The following OR10G3 variants were observed in gnomAD, a reference collection of about 807,000 sequenced individuals.
The protein encoded by OR10G3 is olfactory receptor 10G3.
OR10G3 carries 8 observed loss-of-function variants against 13.4 expected under a neutral mutation model. The ratio of observed to expected loss-of-function variants is 0.60; its 90% confidence interval spans 0.35 to 1.08. OR10G3 has a LOEUF of 1.08. Among genes scored for constraint, OR10G3 ranks in the 50% least tolerant of loss-of-function variants. OR10G3 has a pLI of 0.02. For missense variants in OR10G3, 393 were observed against 386.6 expected (o/e 1.02, Z -0.14); for synonymous variants, 142 against 156.1 (o/e 0.91, Z 0.67).
chr14:21,574,129 C>G (rs1253501098), intron 1 of OR10G3, among the ~76,000 whole-genome samples: 3 of 151,732 alleles, frequency 2.0e-5, no homozygotes, highest in African/African-American at 7.3e-5. Flanking sequence ...CGGTGAAACC[C>G]CGTCTCTACT....
intron 1 of OR10G3, among the ~76,000 whole-genome samples, chr14:21,571,863 G>A (rs913616868): frequency 2.0e-5 from 3 of 151,900 alleles, no homozygotes; most frequent in South Asian, 2.1e-4. Context: ...TAGTAGAGAC[G>A]GGGTTTCACC....
chr14:21,572,608 C>CAAAAAAAAAAAA (rs397852312), intron 1 of OR10G3, among the ~76,000 whole-genome samples: 139 of 110,448 alleles, frequency 1.3e-3, no homozygotes, highest in African/African-American at 1.8e-3. Context: ...AACAAACAAA[C>CAAAAAAAAAAAA]AAAAAAAAAA....
chr14:21,572,250 C>CACT lies in OR10G3; in HGVS notation c.-17-1492_-17-1490dup, dbSNP rs1190198216. On this transcript the variant is annotated intron_variant, in intron 1 of 1. Transcript: ENST00000641040. ...GAGGTGAGCTGAGATTGCACCACTT[C>CACT]ACTCCAGCCTGGGCAAAAGAGTGAA... Among the ~76,000 whole-genome samples, 3 of 126,908 alleles carry CACT rather than the reference C, an allele frequency of 2.4e-5. No homozygotes were observed. The South Asian group carries it at 7.5e-4, about 32-fold the overall frequency. The allele number at this position is 126,908 out of a possible 152,430, so 83.3% of individuals were successfully genotyped here.
intron 1 of OR10G3, among the ~76,000 whole-genome samples, chr14:21,574,165 T>A (rs772569627): frequency 2.0e-5 from 3 of 151,810 alleles, no homozygotes; most frequent in Non-Finnish European, 4.4e-5. Context: ...TAGTCGGGCG[T>A]GATGGTGGGC....
In OR10G3 at chr14:21,569,551, T is replaced by C; in HGVS notation, c.*252A>G. 1 of 412,266 alleles carries C rather than the reference T, an allele frequency of 2.4e-6. No homozygotes were observed. Among genetic ancestry groups the C allele is most frequent in the Non-Finnish European group, 4.3e-6 (1 of 231,994 alleles). The allele number at this position is 412,266 out of a possible 1,614,324, so 25.5% of individuals were successfully genotyped here. On this transcript the variant is annotated 3_prime_UTR_variant, in exon 2 of 2. Transcript: ENST00000641040. ...GGAAAATACACTATTGCATTCTTTC[T>C]TCTGGATTGTTTAATGTGGTTTAGT...
intron 1 of OR10G3, among the ~76,000 whole-genome samples, chr14:21,573,245 G>T (rs962782573): frequency 1.6e-4 from 25 of 152,046 alleles, no homozygotes; most frequent in Non-Finnish European, 3.2e-4. Flanking sequence ...GGCATGGAAA[G>T]ACAATATTGC....
intron 1 of OR10G3, among the ~76,000 whole-genome samples, 173 bp downstream of exon 1, chr14:21,579,613 A>G (rs2098654821): frequency 6.6e-6 from 1 of 152,204 alleles, no homozygotes; most frequent in East Asian, 1.9e-4. Context: ...AGCAAAGAAA[A>G]TTTTTGTGAC....
chr14:21,575,838 TG>T (rs893823056), intron 1 of OR10G3, among the ~76,000 whole-genome samples: 1 of 152,190 alleles, frequency 6.6e-6, no homozygotes, highest in African/African-American at 2.4e-5. Flanking sequence ...GTCAATAAAA[TG>T]CAGTTTATAA....
In OR10G3 at chr14:21,570,733, G is replaced by A. The variant is rs376878465; in HGVS notation, c.12C>T (p.Ile4=). The A allele has an allele frequency of 1.9e-6, 3 of 1,581,016 alleles. No homozygotes were observed. The African/African-American group carries it at 4.0e-5, about 21-fold the overall frequency. Residue 4 remains isoleucine (I), a synonymous_variant, in exon 2 of 2, where the codon ATC becomes ATT. Coordinates refer to ENST00000641040, the MANE Select transcript of OR10G3 (RefSeq NM_001005465.2). ...TAAACGCAGTCAACAGTGTGCTGTT[G>A]ATTCTTTCCATATCCCAGAGAATCT... MER[I]NSTLLTAFIL... is the part of the protein sequence containing the mutation.
intron 1 of OR10G3, among the ~76,000 whole-genome samples, chr14:21,573,162 A>C (rs1045749324): frequency 1.3e-5 from 2 of 152,208 alleles, no homozygotes; most frequent in Admixed American, 6.5e-5. Context: ...TCAGCCCTAG[A>C]AAAGAAGGAA....
intron 1 of OR10G3, among the ~76,000 whole-genome samples, chr14:21,578,370 G>A (rs758412241): frequency 2.6e-5 from 4 of 151,808 alleles, no homozygotes; most frequent in Non-Finnish European, 2.9e-5. Context: ...GAGATCGTGC[G>A]ATTGCACTCC....
In OR10G3 at chr14:21,570,083, T is replaced by G; in HGVS notation, c.662A>C (p.Gln221Pro). ...CFSLILLSYIQIIQAILRIHT... is the reference protein window; with the variant it reads ...CFSLILLSYIPIIQAILRIHT... The stretch of plus-strand genomic sequence containing the variant: ...GATTCTCAGGATGGCCTGAATGATC[T>G]GTATGTAGGAGAGGAGGATCAGGGA... The change falls in exon 2 of 2, where the codon CAG becomes CCG. Residue 221 changes from glutamine (Q) to proline (P), a missense_variant. Transcript: ENST00000641040. 1 of 1,614,146 alleles carries G rather than the reference T, an allele frequency of 6.2e-7. No homozygotes were observed. The highest frequency in any genetic ancestry group is 1.6e-4 in the Middle Eastern group (1 of 6,062).
chr14:21,575,401 G>C (rs938415811), intron 1 of OR10G3, among the ~76,000 whole-genome samples: 1 of 133,626 alleles, frequency 7.5e-6, no homozygotes, highest in Non-Finnish European at 1.6e-5. Context: ...TTTTTTTTGA[G>C]ATGGAGTCTT....
rs78874473 is a variant in OR10G3 at position 21,570,513 on chromosome 14, T to C, written c.232A>G (p.Ile78Val). The C allele has an allele frequency of 0.01, 16,700 of 1,614,052 alleles. 112 individuals are homozygous for C. The highest frequency in any genetic ancestry group is 0.012 in the Non-Finnish European group (14,275 of 1,180,014). ...AAGTTCATCATGAGGCGAGGGACAA[T>C]GATGGAGGAGATGCTCATATCAATG... ...SVIDMSISSI[I>V]VPRLMMNFTL... The change falls in exon 2 of 2, where the codon ATT becomes GTT. Residue 78 changes from isoleucine (I) to valine (V), a missense_variant. Coordinates refer to ENST00000641040, the MANE Select transcript of OR10G3 (RefSeq NM_001005465.2).
At chr14:21,575,447 C>G (rs1893117594) in intron 1 of OR10G3, among the ~76,000 whole-genome samples, 2 of 151,630 alleles carry the variant, frequency 1.3e-5, no homozygotes, top group South Asian at 4.2e-4. Flanking sequence ...GTGGCACGAT[C>G]TCAGCTCACT....
At chr14:21,577,596 C>G (rs1876774216) in intron 1 of OR10G3, among the ~76,000 whole-genome samples, 1 of 152,194 alleles carries the variant, frequency 6.6e-6, no homozygotes, top group African/African-American at 2.4e-5. Context: ...AAAATTGAGA[C>G]ATAGTGGAGT....
At chr14:21,573,550 T>G (rs902675772) in intron 1 of OR10G3, among the ~76,000 whole-genome samples, 1 of 129,030 alleles carries the variant, frequency 7.8e-6, no homozygotes, top group Admixed American at 7.7e-5. Context: ...CATGCACCTG[T>G]AATCCCAGCT....
chr14:21,578,611 C>T (rs953881739), intron 1 of OR10G3, among the ~76,000 whole-genome samples: 19 of 152,056 alleles, frequency 1.2e-4, no homozygotes, highest in Admixed American at 1.2e-3. Flanking sequence ...ATGAATTTTA[C>T]TTAATTCTGG....
chr14:21,574,302 CAAAAAAAAAA>C (rs587769086), intron 1 of OR10G3, among the ~76,000 whole-genome samples: 1 of 96,754 alleles, frequency 1.0e-5, no homozygotes, highest in Non-Finnish European at 2.0e-5. Flanking sequence ...GACTCCATCT[CAAAAAAAAAA>C]AAAAAAAAAA....
Sources: gnomAD v4.1 joint callset for allele counts (sites outside exome capture counted in the v4.1 genomes callset) on GRCh38, gnomAD v4.1.1 for gene constraint, MANE v1.5 for transcripts, NCBI Gene and HGNC (gene_info 2026-07-23, HGNC 2026-07-21) for gene names.